DNM3: variants seen among roughly 807,000 people sequenced by gnomAD.
DNM3 encodes dynamin-3.
A neutral mutation model predicts 101.6 loss-of-function variants in DNM3; 47 were observed. The ratio of observed to expected loss-of-function variants is 0.46; its 90% CI spans 0.37 to 0.59. The LOEUF is 0.59. DNM3 is among the 20% of genes least tolerant of loss of function. The pLI is 0.00. For missense variants in DNM3, 849 were observed against 1,085.7 expected (o/e 0.78, Z 3.06); for synonymous variants, 385 against 387.9 (o/e 0.99, Z 0.09).
intron 4 of DNM3, among the ~76,000 whole-genome samples, chr1:171,989,395 A>G (rs1474032327): frequency 6.6e-6 from 1 of 152,016 alleles, no homozygotes; most frequent in Non-Finnish European, 1.5e-5. Context: ...ATCTAAGAAT[A>G]ATGAGATCTA....
intron 1 of DNM3, among the ~76,000 whole-genome samples, chr1:171,865,312 T>G (rs1021094061): frequency 5.3e-5 from 8 of 151,726 alleles, no homozygotes; most frequent in Admixed American, 2.0e-4. Context: ...GCCCGGGAGT[T>G]CTAGACAAGC....
At chr1:172,316,587 T>C (rs12404363) in intron 16 of DNM3, among the ~76,000 whole-genome samples, 34,815 of 151,840 alleles carry the variant, frequency 0.23, 4,054 homozygotes, top group African/African-American at 0.27. Flanking sequence ...GGGGTTGCAA[T>C]CCTAGTCTCT....
intron 17 of DNM3, among the ~76,000 whole-genome samples, chr1:172,352,776 C>T (rs1415450717): frequency 6.6e-6 from 1 of 152,138 alleles, no homozygotes; most frequent in African/African-American, 2.4e-5. Flanking sequence ...CCTCTGGCTT[C>T]TAATATATTA....
chr1:172,055,993 C>T (rs1259393676), intron 10 of DNM3, among the ~76,000 whole-genome samples: 1 of 152,158 alleles, frequency 6.6e-6, no homozygotes. Context: ...GTGCACCGTG[C>T]ACGAGCCGAA....
chr1:172,048,440 G>A lies in DNM3; in HGVS notation c.1197-172G>A, dbSNP rs186592013. 1.1e-4 allele frequency among the ~76,000 whole-genome samples: 17 copies of A among 152,266 alleles called. No homozygotes were observed. In the East Asian group the frequency reaches 3.1e-3, roughly 28 times the overall value. ...TAAGACAAATTACAGTTAAATATTA[G>A]TTAAAGGTCACATGATGTGCCACAT... is the stretch of plus-strand genomic sequence containing the variant. On this transcript the variant is annotated intron_variant, in intron 9 of 20. Transcript: ENST00000627582.
chr1:172,405,320 T>C (rs1221420634), intron 20 of DNM3, among the ~76,000 whole-genome samples: 2 of 152,072 alleles, frequency 1.3e-5, no homozygotes, highest in Admixed American at 6.6e-5. Flanking sequence ...TGGGGGACAC[T>C]GGTAATAATC....
intron 17 of DNM3, among the ~76,000 whole-genome samples, chr1:172,363,389 A>T (rs1320677946): frequency 6.6e-6 from 1 of 151,870 alleles, no homozygotes; most frequent in Non-Finnish European, 1.5e-5. Flanking sequence ...TATTTGCCCC[A>T]ATCTATGAAG....
At chr1:172,218,907 A>G (rs945938930) in intron 14 of DNM3, among the ~76,000 whole-genome samples, 1 of 152,142 alleles carries the variant, frequency 6.6e-6, no homozygotes, top group South Asian at 2.1e-4. Flanking sequence ...GGAGCGGGAG[A>G]CTTGCTTCTC....
intron 4 of DNM3, among the ~76,000 whole-genome samples, chr1:172,008,015 A>T (rs1324111577): frequency 6.6e-6 from 1 of 151,980 alleles, no homozygotes; most frequent in African/African-American, 2.4e-5. Flanking sequence ...TTTGAGAAAC[A>T]TCTATTCGGG....
intron 17 of DNM3, among the ~76,000 whole-genome samples, chr1:172,335,037 A>G (rs2066356854): frequency 6.6e-6 from 1 of 152,176 alleles, no homozygotes; most frequent in Admixed American, 6.6e-5. Flanking sequence ...AGTCTTTATC[A>G]GGAAAAACTT....
chr1:171,899,839 C>A (rs2038145095), intron 1 of DNM3, among the ~76,000 whole-genome samples: 1 of 152,164 alleles, frequency 6.6e-6, no homozygotes, highest in South Asian at 2.1e-4. Flanking sequence ...CTACAAATAA[C>A]ATGGAAGTAT....
intron 2 of DNM3, among the ~76,000 whole-genome samples, chr1:171,982,757 G>C (rs1195111504): frequency 1.3e-5 from 2 of 152,084 alleles, no homozygotes; most frequent in African/African-American, 4.8e-5. Context: ...AGTTTAACCA[G>C]TGAGATGGTT....
At chr1:171,917,323 C>T (rs542611937) in intron 1 of DNM3, among the ~76,000 whole-genome samples, 76 of 152,142 alleles carry the variant, frequency 5.0e-4, no homozygotes, top group Admixed American at 1.2e-3. Flanking sequence ...CTAGTGTGTT[C>T]TTTTTCAGGC....
At chr1:172,251,868 T>C (rs935851928) in intron 14 of DNM3, among the ~76,000 whole-genome samples, 5 of 152,106 alleles carry the variant, frequency 3.3e-5, no homozygotes, top group Non-Finnish European at 5.9e-5. Flanking sequence ...AGCATTTTCA[T>C]TTGATTATGT....
At chr1:172,372,090 A>G (rs2149039425) in intron 17 of DNM3, among the ~76,000 whole-genome samples, 1 of 93,378 alleles carries the variant, frequency 1.1e-5, no homozygotes, top group East Asian at 3.2e-4. Flanking sequence ...AACAGTCCCC[A>G]GAGTGTGATG....
At chr1:172,080,678 A>G (rs1207156047) in intron 11 of DNM3, among the ~76,000 whole-genome samples, 1 of 152,086 alleles carries the variant, frequency 6.6e-6, no homozygotes, top group East Asian at 1.9e-4. Flanking sequence ...GGTATGGAAA[A>G]AGAACTTCTG....
chr1:172,151,989 CCT>C (rs1214680044), intron 14 of DNM3, among the ~76,000 whole-genome samples: 14 of 152,160 alleles, frequency 9.2e-5, no homozygotes, highest in Non-Finnish European at 1.8e-4. Flanking sequence ...GATACTCCTA[CCT>C]CTCAGCCTCC....
At chr1:172,256,328 C>A (rs2062396310) in intron 15 of DNM3, among the ~76,000 whole-genome samples, 1 of 151,890 alleles carries the variant, frequency 6.6e-6, no homozygotes, top group South Asian at 2.1e-4. Flanking sequence ...AATCATCTGG[C>A]CCTAGGAAGT....
chr1:172,208,564 G>A (rs983766804), intron 14 of DNM3, among the ~76,000 whole-genome samples: 9 of 151,978 alleles, frequency 5.9e-5, no homozygotes, highest in Admixed American at 5.3e-4. Context: ...CTGGGTCTCC[G>A]GCTTTTCATC....
Sources: gnomAD v4.1 joint callset for allele counts (sites outside exome capture counted in the v4.1 genomes callset) on GRCh38, gnomAD v4.1.1 for gene constraint, MANE v1.5 for transcripts, NCBI Gene and HGNC (gene_info 2026-07-23, HGNC 2026-07-21) for gene names.